The following MYT1L variants were observed in gnomAD, a reference collection of about 807,000 sequenced individuals.
MYT1L encodes the protein myelin transcription factor 1-like protein.
Under a neutral mutation model 126.7 loss-of-function variants are expected in MYT1L, and 12 were observed. The observed-to-expected ratio is 0.09, with a 90% CI of 0.06 to 0.15. The LOEUF (loss-of-function observed/expected upper bound fraction) is 0.15, where lower values mean the gene tolerates loss of function less well. Ranked by LOEUF, MYT1L falls within the 10% of genes least tolerant of loss-of-function variation. The pLI, the probability that MYT1L is intolerant of heterozygous loss-of-function variation, is 1.00. For synonymous variants in MYT1L, 541 were observed against 604.2 expected (o/e 0.90, Z 1.53); for missense variants, 979 against 1,585.2 (o/e 0.62, Z 6.49).
At chr2:2,146,774 C>T (rs2084942462) in intron 3 of MYT1L, among the ~76,000 whole-genome samples, 1 of 152,190 alleles carries the variant, frequency 6.6e-6, no homozygotes. Flanking sequence ...AGCTGACACC[C>T]TATTAAATAG....
intron 4 of MYT1L, among the ~76,000 whole-genome samples, chr2:2,004,798 G>C (rs560309142): frequency 1.2e-5 from 1 of 80,426 alleles, no homozygotes; most frequent in Non-Finnish European, 2.3e-5. Context: ...TTTCCTGCAT[G>C]TGTTCTTTCC....
rs888623185 is a variant in MYT1L, at chr2:1,811,057, C to T, written c.3081-1890G>A. The T allele has an allele frequency of 6.6e-6, 1 of 152,114 alleles. No individual in the cohort carries two copies. Among genetic ancestry groups the T allele is most frequent in the Non-Finnish European group, 1.5e-5 (1 of 68,034 alleles). 9.4% of individuals were successfully genotyped at this position (152,114 alleles called of 1,614,324 possible). On this transcript the variant is annotated intron_variant, in intron 21 of 24. Transcript: ENST00000647738. This position sits in a 1 kb window ranked among gnomAD's most constrained non-coding sequence, Gnocchi z 4.4. ...GACCCAGACAGCTCCTTAACCCCTT[C>T]TCCCATGTGAGGACAGAGTGAGAAG...
intron 2 of MYT1L, among the ~76,000 whole-genome samples, chr2:2,212,127 A>C (rs1414627320): frequency 6.6e-6 from 1 of 152,136 alleles, no homozygotes; most frequent in African/African-American, 2.4e-5. Context: ...ATGCGTATAT[A>C]AGCTTTATAC....
intron 18 of MYT1L, among the ~76,000 whole-genome samples, chr2:1,873,066 G>T (rs549852665): frequency 6.6e-6 from 1 of 152,156 alleles, no homozygotes; most frequent in Admixed American, 6.5e-5. Flanking sequence ...TTTGCAGAGG[G>T]GCCATAGAAA....
chr2:2,003,959 G>A lies in MYT1L; in HGVS notation c.-157-6612C>T, dbSNP rs140584817. On this transcript the variant is annotated intron_variant, in intron 4 of 24. Coordinates refer to ENST00000647738, the MANE Select transcript of MYT1L (RefSeq NM_001303052.2). ...CCTGCATGAGTTCTTTCCTGCATGC[G>A]TTCTTTCCTGCAGGCATTCTTTCCT... Among the ~76,000 whole-genome samples, 50 of 149,368 alleles carry A rather than the reference G, an allele frequency of 3.3e-4. 2 individuals carry two copies. Among genetic ancestry groups the A allele is most frequent in the East Asian group, 1.2e-3 (6 of 5,054 alleles).
intron 8 of MYT1L, among the ~76,000 whole-genome samples, chr2:1,968,593 TCAG>T (rs1005155747): frequency 1.1e-4 from 16 of 152,290 alleles, no homozygotes; most frequent in Non-Finnish European, 1.8e-4. Context: ...TCAGTTTCCC[TCAG>T]CAGGAGACAG....
intron 8 of MYT1L, among the ~76,000 whole-genome samples, chr2:1,960,120 CAAT>C (rs973974310): frequency 9.2e-5 from 14 of 152,092 alleles, no homozygotes; most frequent in Admixed American, 6.5e-5. Context: ...GGAGCTGGTA[CAAT>C]CTACCTGGGA....
intron 2 of MYT1L, among the ~76,000 whole-genome samples, chr2:2,263,606 C>T (rs1237107724): frequency 6.6e-6 from 1 of 152,176 alleles, no homozygotes; most frequent in African/African-American, 2.4e-5. Flanking sequence ...CCTTTACTTA[C>T]AGCACCTGTC....
chr2:2,140,281 G>T (rs759715072), intron 3 of MYT1L, among the ~76,000 whole-genome samples: 1 of 152,038 alleles, frequency 6.6e-6, no homozygotes, highest in African/African-American at 2.4e-5. Flanking sequence ...CACATTAAAA[G>T]TCAGGAACCA....
intron 8 of MYT1L, among the ~76,000 whole-genome samples, chr2:1,961,065 A>G (rs2058922881): frequency 6.6e-6 from 1 of 152,248 alleles, no homozygotes; most frequent in Non-Finnish European, 1.5e-5. Context: ...ATCGCGGAAT[A>G]CATTTTTAGC....
rs577027882 is a variant in MYT1L, at chr2:2,132,600, C to T, written c.-304+40272G>A. 2.0e-4 allele frequency among the ~76,000 whole-genome samples: 31 copies of T among 152,054 alleles called. No homozygotes were observed. In the South Asian group the frequency reaches 5.4e-3, roughly 27 times the overall value. On this transcript the variant is annotated intron_variant, in intron 3 of 24. Coordinates refer to ENST00000647738, the MANE Select transcript of MYT1L (RefSeq NM_001303052.2). The stretch of plus-strand genomic sequence containing the variant: ...GGGGTGGGGGCAAGGGGAGGGAGAG[C>T]GTTAGAACAAATATCCAATGCATGC...
chr2:2,297,946 A>G (rs2095720453), intron 1 of MYT1L, among the ~76,000 whole-genome samples: 2 of 152,186 alleles, frequency 1.3e-5, no homozygotes, highest in South Asian at 4.1e-4. Context: ...CGCCACTTAA[A>G]GTTACACAAC....
intron 18 of MYT1L, among the ~76,000 whole-genome samples, chr2:1,854,891 G>A (rs368261474): frequency 1.3e-5 from 2 of 152,152 alleles, no homozygotes; most frequent in East Asian, 3.9e-4. Context: ...TGCCCTCAAC[G>A]TCCTCACTAG....
At chr2:1,989,072 C>T (rs78547945) in intron 5 of MYT1L, among the ~76,000 whole-genome samples, 9,198 of 152,006 alleles carry the variant, frequency 0.061, 732 homozygotes, top group African/African-American at 0.18. Flanking sequence ...TACTTTGGCC[C>T]CAGAGTACAG....
At chr2:2,070,810 T>C (rs779549985) in intron 3 of MYT1L, among the ~76,000 whole-genome samples, 1 of 152,228 alleles carries the variant, frequency 6.6e-6, no homozygotes, top group Non-Finnish European at 1.5e-5. Context: ...ATCGGCTCCA[T>C]GTACATCATT....
chr2:1,956,437 T>TCTAC (rs1204124638), intron 8 of MYT1L, among the ~76,000 whole-genome samples: 1 of 68,686 alleles, frequency 1.5e-5, no homozygotes, highest in Middle Eastern at 5.7e-3. Flanking sequence ...TATCTATCTA[T>TCTAC]CTACCTATCA....
chr2:2,138,267 A>G (rs1376623129), intron 3 of MYT1L, among the ~76,000 whole-genome samples: 1 of 150,548 alleles, frequency 6.6e-6, no homozygotes, highest in African/African-American at 2.4e-5. Context: ...TAGTTCAACC[A>G]TTGTGGAAGT....
intron 8 of MYT1L, among the ~76,000 whole-genome samples, chr2:1,956,619 T>TCTATCTATCTATCTACCTAC (rs1240851045): frequency 7.4e-6 from 1 of 134,264 alleles, no homozygotes; most frequent in Non-Finnish European, 1.6e-5. Context: ...TATCTATCTA[T>TCTATCTATCTATCTACCTAC]CTACCTACCT....
intron 2 of MYT1L, among the ~76,000 whole-genome samples, chr2:2,180,740 G>C (rs2091360544): frequency 6.8e-6 from 1 of 148,056 alleles, no homozygotes; most frequent in African/African-American, 2.6e-5. Context: ...ATGTGTGCCT[G>C]TGTGTGTGCT....
Sources: allele counts gnomAD v4.1 joint callset (sites outside exome capture counted in the v4.1 genomes callset), GRCh38; gene constraint gnomAD v4.1.1; non-coding constraint Gnocchi (gnomAD v3.1); transcripts MANE v1.5; gene names NCBI Gene and HGNC (gene_info 2026-07-23, HGNC 2026-07-21).